CSMD2: variants seen among roughly 807,000 people sequenced by gnomAD.
CSMD2 encodes the protein CUB and sushi domain-containing protein 2.
Under a neutral mutation model 398.5 loss-of-function variants are expected in CSMD2, and 130 were observed. The ratio of observed to expected loss-of-function variants is 0.33; its 90% CI spans 0.28 to 0.38. CSMD2 has a LOEUF of 0.38. Among genes scored for constraint, CSMD2 ranks in the 10% least tolerant of loss-of-function variants. The pLI is 1.00. For missense variants in CSMD2, 3,829 were observed against 4,764.9 expected, an observed-to-expected ratio of 0.80 and a Z score of 5.78; for synonymous variants, 1,828 against 1,908.5, an observed-to-expected ratio of 0.96 and a Z score of 1.10.
intron 2 of CSMD2, among the ~76,000 whole-genome samples, chr1:34,047,618 C>T (rs1442126482): frequency 6.6e-6 from 1 of 152,084 alleles, no homozygotes; most frequent in East Asian, 1.9e-4. Flanking sequence ...GAGAACAGCA[C>T]CAGATACACC....
At chr1:33,738,902 G>A (rs537409) in intron 15 of CSMD2, among the ~76,000 whole-genome samples, 7 of 152,190 alleles carry the variant, frequency 4.6e-5, no homozygotes, top group Non-Finnish European at 8.8e-5. Context: ...TGCTTTTGAT[G>A]CCTGACAATC....
At chr1:33,621,495 A>G (rs1641769158) in intron 37 of CSMD2, among the ~76,000 whole-genome samples, 1 of 152,202 alleles carries the variant, frequency 6.6e-6, no homozygotes, top group Non-Finnish European at 1.5e-5. Context: ...AACCCAGCAC[A>G]GTGCCTGGCA....
chr1:33,838,458 T>C (rs1322636063), intron 6 of CSMD2: 1 of 152,248 alleles, frequency 6.6e-6, no homozygotes, highest in Non-Finnish European at 1.5e-5. Flanking sequence ...GTATACATCC[T>C]GCATTCTGCC....
rs144075582 is a variant in CSMD2 at position 33,642,204 on chromosome 1, G to A, written c.4774+4444C>T. Among the ~76,000 whole-genome samples, 692 of 152,092 alleles carry A rather than the reference G, an allele frequency of 4.5e-3. 8 individuals are homozygous for A. Among genetic ancestry groups the A allele is most frequent in the Middle Eastern group, 0.024 (7 of 292 alleles). On this transcript the variant is annotated intron_variant, in intron 29 of 70. Transcript: ENST00000373381. ...TCTACTAAAAATACAAAAACTAGCC[G>A]GGTGTGGTGATGCATGCCTGTAATC...
intron 12 of CSMD2, among the ~76,000 whole-genome samples, chr1:33,787,718 G>C (rs1156447900): frequency 6.6e-6 from 1 of 152,150 alleles, no homozygotes; most frequent in South Asian, 2.1e-4. Flanking sequence ...CTTGTGGATG[G>C]CTTCTCCTTC....
intron 5 of CSMD2, chr1:33,884,909 CTCTGTCA>C (rs1256763219): frequency 6.6e-6 from 1 of 152,306 alleles, no homozygotes; most frequent in East Asian, 1.9e-4. Context: ...TGATTTCTGC[CTCTGTCA>C]TTTCCTTATT....
At chr1:33,768,833 G>A (rs1425017484) in intron 13 of CSMD2, among the ~76,000 whole-genome samples, 1 of 152,064 alleles carries the variant, frequency 6.6e-6, no homozygotes, top group East Asian at 1.9e-4. Flanking sequence ...AACTTAAATC[G>A]TATACATCCA....
intron 27 of CSMD2, 115 bp downstream of exon 27, chr1:33,657,831 G>T: frequency 2.9e-6 from 3 of 1,035,818 alleles, no homozygotes; most frequent in Non-Finnish European, 2.8e-6. Context: ...TGCAACTTTT[G>T]TCTGTTTCAA....
At chr1:33,715,618 G>A (rs573812401) in intron 20 of CSMD2, among the ~76,000 whole-genome samples, 1 of 152,300 alleles carries the variant, frequency 6.6e-6, no homozygotes, top group South Asian at 2.1e-4. Flanking sequence ...CCACACCCCA[G>A]TTCCTAGAAG....
chr1:33,958,432 G>A (rs887811120), intron 3 of CSMD2, among the ~76,000 whole-genome samples: 6 of 152,166 alleles, frequency 3.9e-5, no homozygotes, highest in Middle Eastern at 3.2e-3. Context: ...GACCCGTAGA[G>A]ATGATGGGCT....
intron 7 of CSMD2, among the ~76,000 whole-genome samples, chr1:33,822,266 TGAG>T (rs1658243876): frequency 6.6e-6 from 1 of 152,030 alleles, no homozygotes; most frequent in Non-Finnish European, 1.5e-5. Context: ...ACCTAGGGCA[TGAG>T]GAGAAGGAGC....
chr1:33,763,089 TCAC>T (rs1277394374), intron 13 of CSMD2, among the ~76,000 whole-genome samples: 2 of 152,088 alleles, frequency 1.3e-5, no homozygotes, highest in Admixed American at 6.5e-5. Flanking sequence ...ACACAACGTA[TCAC>T]CACATGTATC....
At chr1:33,855,775 T>C (rs944889987) in intron 5 of CSMD2, among the ~76,000 whole-genome samples, 3 of 152,108 alleles carry the variant, frequency 2.0e-5, no homozygotes, top group Non-Finnish European at 4.4e-5. Context: ...AGAAACAGGG[T>C]GCAGGCCTCA....
chr1:34,108,411 A>G (rs114095172), intron 1 of CSMD2, among the ~76,000 whole-genome samples: 1 of 152,106 alleles, frequency 6.6e-6, no homozygotes, highest in Non-Finnish European at 1.5e-5. Context: ...CTGCCCCTCT[A>G]TCTATGGAAT....
At chr1:34,012,408 C>T (rs1647474978) in intron 3 of CSMD2, among the ~76,000 whole-genome samples, 1 of 152,154 alleles carries the variant, frequency 6.6e-6, no homozygotes, top group Non-Finnish European at 1.5e-5. Context: ...TGCACATCAA[C>T]ATGTACATAC....
chr1:34,111,076 T>C (rs1661033533), intron 1 of CSMD2, among the ~76,000 whole-genome samples: 1 of 152,222 alleles, frequency 6.6e-6, no homozygotes, highest in Non-Finnish European at 1.5e-5. Context: ...TATTTCCTCC[T>C]GCTAGAATAT....
intron 13 of CSMD2, 64 bp downstream of exon 13, chr1:33,772,505 G>T: frequency 6.6e-7 from 1 of 1,505,944 alleles, no homozygotes; most frequent in Non-Finnish European, 9.1e-7. Context: ...CCCTGGATTA[G>T]CTAGGAAACG....
intron 44 of CSMD2, among the ~76,000 whole-genome samples, chr1:33,597,949 G>C (rs1290980152): frequency 2.0e-5 from 3 of 152,200 alleles, no homozygotes; most frequent in Non-Finnish European, 4.4e-5. Context: ...ACTTAATTTT[G>C]AGTGAGAAGA....
At position 34,164,856 on chromosome 1, in the gene CSMD2, G is replaced by C; in HGVS notation, c.187+55C>G. ...GACCGGGTCGAGGATGGGTGGGCTC[G>C]GGGCTCGGGTGGGGCGCGCGGCGGC... On this transcript the variant is annotated intron_variant, in intron 1 of 70. Transcript: ENST00000373381. This position sits in a 1 kb window ranked among gnomAD's most constrained non-coding sequence, Gnocchi z 6.2. 4.1e-6 allele frequency: 5 copies of C among 1,212,406 alleles called. No individual in the cohort carries two copies. The highest frequency in any genetic ancestry group is 8.3e-5 in the South Asian group (2 of 24,104). The allele number at this position is 1,212,406 out of a possible 1,614,324, so 75.1% of individuals were successfully genotyped here. A position where few individuals can be genotyped will look rare whatever the true frequency, so the allele number is the denominator to read the frequency against.
Sources: allele counts gnomAD v4.1 joint callset (sites outside exome capture counted in the v4.1 genomes callset), GRCh38; gene constraint gnomAD v4.1.1; non-coding constraint Gnocchi (gnomAD v3.1); transcripts MANE v1.5; gene names NCBI Gene and HGNC (gene_info 2026-07-23, HGNC 2026-07-21).